The following ZNF431 variants were observed in gnomAD, a reference collection of about 807,000 sequenced individuals.
The protein encoded by ZNF431 is zinc finger protein 431.
Under a neutral mutation model 57.0 loss-of-function variants are expected in ZNF431, and 34 were observed. That is an observed-to-expected ratio of 0.60 (90% confidence interval 0.45 to 0.79). ZNF431 has a LOEUF of 0.79. ZNF431 is among the 30% of genes least tolerant of loss of function. The pLI is 0.00. For missense variants in ZNF431, 607 were observed against 667.1 expected, an observed-to-expected ratio of 0.91 and a Z score of 0.99; for synonymous variants, 207 against 220.3, an observed-to-expected ratio of 0.94 and a Z score of 0.54.
Position 21,142,050 on chromosome 19 carries a change from G to C in ZNF431, c.-134G>C. On this transcript the variant is annotated 5_prime_UTR_variant, in exon 1 of 5. Transcript: ENST00000311048. ...TGTGGCGGGGCCTTTGTCTCTCGCC[G>C]CAGCCTGAGCTCCAGGTCTCCCCTT... 8.4e-7 allele frequency: 1 copy of C among 1,193,590 alleles called. No individual in the cohort carries two copies. Among genetic ancestry groups the C allele is most frequent in the African/African-American group, 1.5e-5 (1 of 66,484 alleles). 73.9% of individuals were successfully genotyped at this position (1,193,590 alleles called of 1,614,324 possible).
intron 2 of ZNF431, among the ~76,000 whole-genome samples, chr19:21,156,404 A>C (rs567432916): frequency 6.6e-6 from 1 of 152,194 alleles, no homozygotes. Flanking sequence ...TAAGGGGTCC[A>C]TGTGCAGCTT....
At chr19:21,144,928 A>T (rs2144917326) in intron 2 of ZNF431, among the ~76,000 whole-genome samples, 1 of 152,338 alleles carries the variant, frequency 6.6e-6, no homozygotes, top group East Asian at 1.9e-4. Context: ...ACTTGGTATC[A>T]CCTAGAAGTA....
intron 4 of ZNF431, among the ~76,000 whole-genome samples, chr19:21,178,301 ATTT>A (rs1352022906): frequency 5.3e-5 from 8 of 151,930 alleles, no homozygotes; most frequent in Non-Finnish European, 8.8e-5. Flanking sequence ...AATATCACTT[ATTT>A]ATTTCTCTCG....
chr19:21,164,652 T>G (rs1388234415), intron 2 of ZNF431, among the ~76,000 whole-genome samples: 2 of 152,066 alleles, frequency 1.3e-5, no homozygotes, highest in Non-Finnish European at 2.9e-5. Flanking sequence ...AATAATGGCT[T>G]CTTTTCAGCT....
intron 4 of ZNF431, among the ~76,000 whole-genome samples, chr19:21,174,249 A>G (rs566126096): frequency 6.6e-6 from 1 of 152,306 alleles, no homozygotes; most frequent in Admixed American, 6.5e-5. Context: ...CTCTATATGC[A>G]AAATAGTTAA....
intron 2 of ZNF431, among the ~76,000 whole-genome samples, chr19:21,162,027 A>T (rs1352968198): frequency 1.3e-5 from 2 of 151,380 alleles, no homozygotes; most frequent in Non-Finnish European, 2.9e-5. Flanking sequence ...CCCAGGCTGG[A>T]GTGTAGTGGT....
intron 2 of ZNF431, among the ~76,000 whole-genome samples, chr19:21,159,985 T>C (rs1291552508): frequency 1.4e-5 from 2 of 144,710 alleles, no homozygotes; most frequent in Non-Finnish European, 3.0e-5. Context: ...CCTCAGCCTT[T>C]TTTTTTTTTT....
At chr19:21,162,832 A>G (rs1417410391) in intron 2 of ZNF431, 2 of 859,414 alleles carry the variant, frequency 2.3e-6, no homozygotes, top group Non-Finnish European at 2.8e-6. Flanking sequence ...TTACAGAAAT[A>G]TTCCATTTAG....
At position 21,142,099 on chromosome 19, in the gene ZNF431, T is replaced by C. The variant is rs1969955103; in HGVS notation, c.-85T>C. 1 of 1,570,670 alleles carries C rather than the reference T, an allele frequency of 6.4e-7. No homozygotes were observed. Among genetic ancestry groups the C allele is most frequent in the Non-Finnish European group, 8.7e-7 (1 of 1,142,934 alleles). ...TTCGCTGCTCTGTGTCCTCTGCTCC[T>C]AGAGGCCCAACATCTGTGGCCCTGT... is the stretch of plus-strand genomic sequence containing the variant. On this transcript the variant is annotated 5_prime_UTR_variant, in exon 1 of 5. Coordinates refer to ENST00000311048, the MANE Select transcript of ZNF431 (RefSeq NM_133473.4).
At chr19:21,178,228 A>G (rs1025905231) in intron 4 of ZNF431, among the ~76,000 whole-genome samples, 3 of 152,188 alleles carry the variant, frequency 2.0e-5, no homozygotes, top group Admixed American at 6.6e-5. Context: ...GGCTGAGACA[A>G]TGGGGCTTTC....
At chr19:21,143,877 A>AAAAAAC (rs918990869) in intron 2 of ZNF431, among the ~76,000 whole-genome samples, 4 of 152,160 alleles carry the variant, frequency 2.6e-5, no homozygotes, top group African/African-American at 9.7e-5. Flanking sequence ...AAAGACCAGA[A>AAAAAAC]AAAAACAAAA....
intron 4 of ZNF431, among the ~76,000 whole-genome samples, chr19:21,173,116 A>G (rs1970954194): frequency 6.6e-6 from 1 of 152,216 alleles, no homozygotes; most frequent in African/African-American, 2.4e-5. Context: ...TTAATTATGA[A>G]AACATTTGAT....
At chr19:21,164,877 G>A (rs1221583319) in intron 2 of ZNF431, among the ~76,000 whole-genome samples, 11 of 151,936 alleles carry the variant, frequency 7.2e-5, no homozygotes, top group Admixed American at 6.6e-4. Flanking sequence ...TTGGGAGGCC[G>A]AGGCAGGTGG....
chr19:21,155,280 C>T (rs568792274), intron 2 of ZNF431, among the ~76,000 whole-genome samples: 168 of 152,274 alleles, frequency 1.1e-3, no homozygotes, highest in African/African-American at 3.6e-3. Context: ...AATAGGGAAT[C>T]GTTTCCCCAT....
At chr19:21,157,190 T>C (rs931915038) in intron 2 of ZNF431, among the ~76,000 whole-genome samples, 3 of 152,166 alleles carry the variant, frequency 2.0e-5, no homozygotes, top group African/African-American at 7.2e-5. Flanking sequence ...CAGACTAGAG[T>C]GCAGTGGTAC....
Position 21,183,707 on chromosome 19 carries a change from A to G in ZNF431, c.1404A>G (p.Ser468=). Residue 468 remains serine (S), a synonymous_variant, in exon 5 of 5, where the codon TCA becomes TCG. Transcript: ENST00000311048. The part of the protein sequence containing the change: ...CEECGKAFSQ[S]SILTTHKRIH... ...AATGTGGCAAAGCTTTTAGCCAGTC[A>G]TCAATCCTTACTACACATAAGAGAA... 6.2e-7 allele frequency: 1 copy of G among 1,610,680 alleles called. No homozygotes were observed. Among genetic ancestry groups the G allele is most frequent in the South Asian group, 1.1e-5 (1 of 90,920 alleles).
intron 1 of ZNF431, 105 bp from the exon 2 acceptor site, chr19:21,143,446 G>A: frequency 1.1e-6 from 1 of 886,192 alleles, no homozygotes; most frequent in Non-Finnish European, 1.8e-6. Context: ...TTTTTTTCTG[G>A]TCGTGGGTTT....
intron 4 of ZNF431, among the ~76,000 whole-genome samples, chr19:21,176,941 A>T (rs1292824693): frequency 1.3e-5 from 2 of 151,120 alleles, no homozygotes; most frequent in Non-Finnish European, 2.9e-5. Flanking sequence ...ATCCTCATCT[A>T]CCCCCTTTGG....
At chr19:21,150,041 A>G (rs1970226067) in intron 2 of ZNF431, 1 of 601,802 alleles carries the variant, frequency 1.7e-6, no homozygotes, top group South Asian at 1.6e-5. Flanking sequence ...TGCTCGAAGG[A>G]CACGTGGTCT....
Sources: gnomAD v4.1 joint callset for allele counts (sites outside exome capture counted in the v4.1 genomes callset) on GRCh38, gnomAD v4.1.1 for gene constraint, MANE v1.5 for transcripts, NCBI Gene and HGNC (gene_info 2026-07-23, HGNC 2026-07-21) for gene names.